Variants in KCNIP1 observed in about 807,000 individuals in gnomAD.
KCNIP1 encodes A-type potassium channel modulatory protein KCNIP1.
In KCNIP1, 18 loss-of-function variants were observed where a neutral mutation model predicts 33.0. The observed-to-expected ratio is 0.55, with a 90% CI of 0.38 to 0.81. The LOEUF (loss-of-function observed/expected upper bound fraction) is 0.81. Among genes scored for constraint, KCNIP1 ranks in the 30% least tolerant of loss-of-function variants. KCNIP1 has a pLI of 0.00. For missense variants in KCNIP1, 238 were observed against 271.6 expected (o/e 0.88, Z 0.87); for synonymous variants, 93 against 98.3 (o/e 0.95, Z 0.32).
At chr5:170,662,964 C>G (rs774193528) in intron 1 of KCNIP1, among the ~76,000 whole-genome samples, 8 of 152,348 alleles carry the variant, frequency 5.3e-5, no homozygotes, top group Admixed American at 3.9e-4. Context: ...AAACTGGGCT[C>G]ATAGGTGCTC....
chr5:170,531,094 C>T (rs1383954875), intron 1 of KCNIP1, among the ~76,000 whole-genome samples: 1 of 152,118 alleles, frequency 6.6e-6, no homozygotes, highest in Non-Finnish European at 1.5e-5. Context: ...ACTGAAACCC[C>T]CTGAAGCTTG....
chr5:170,660,686 C>G (rs976228554), intron 1 of KCNIP1, among the ~76,000 whole-genome samples: 5 of 152,202 alleles, frequency 3.3e-5, no homozygotes, highest in Non-Finnish European at 7.3e-5. Context: ...TCAAATGGCC[C>G]CCAGAGTCCC....
intron 1 of KCNIP1, among the ~76,000 whole-genome samples, chr5:170,385,693 TAAAG>T (rs879595173): frequency 0.25 from 38,003 of 151,944 alleles, 4,966 homozygotes; most frequent in African/African-American, 0.32. Flanking sequence ...CTCAGAGAGG[TAAAG>T]TGACTTGCCC....
chr5:170,513,114 T>C (rs2113273913), intron 1 of KCNIP1, among the ~76,000 whole-genome samples: 1 of 151,612 alleles, frequency 6.6e-6, no homozygotes, highest in East Asian at 1.9e-4. Context: ...TTTAACAAGA[T>C]CACCAGATGG....
At chr5:170,667,731 G>A (rs946615477) in intron 1 of KCNIP1, among the ~76,000 whole-genome samples, 16 of 152,216 alleles carry the variant, frequency 1.1e-4, no homozygotes, top group African/African-American at 3.9e-4. Context: ...TAACAATATT[G>A]ACTATCCCAT....
chr5:170,673,496 G>T (rs536495934), intron 1 of KCNIP1, among the ~76,000 whole-genome samples: 1 of 152,192 alleles, frequency 6.6e-6, no homozygotes, highest in Non-Finnish European at 1.5e-5. Flanking sequence ...GAAGCTTAGC[G>T]AGCTCAAGTA....
At chr5:170,408,613 G>A (rs1043446749) in intron 1 of KCNIP1, among the ~76,000 whole-genome samples, 3 of 152,100 alleles carry the variant, frequency 2.0e-5, no homozygotes, top group South Asian at 2.1e-4. Flanking sequence ...TATCCTTCTC[G>A]GGCGATGAGA....
At chr5:170,538,563 CT>C (rs1756081236) in intron 1 of KCNIP1, among the ~76,000 whole-genome samples, 1 of 151,912 alleles carries the variant, frequency 6.6e-6, no homozygotes, top group African/African-American at 2.4e-5. Context: ...GTTCCTCCTC[CT>C]TCTTCCCCAC....
At chr5:170,524,758 G>A (rs1397133305) in intron 1 of KCNIP1, among the ~76,000 whole-genome samples, 1 of 152,126 alleles carries the variant, frequency 6.6e-6, no homozygotes, top group African/African-American at 2.4e-5. Context: ...GGTCCTGAGA[G>A]AGGAGGGACC....
intron 1 of KCNIP1, among the ~76,000 whole-genome samples, chr5:170,594,332 C>T (rs1022127446): frequency 6.6e-6 from 1 of 152,138 alleles, no homozygotes; most frequent in Non-Finnish European, 1.5e-5. Context: ...AGTGTCCCAT[C>T]TTGGGTATGT....
intron 1 of KCNIP1, among the ~76,000 whole-genome samples, chr5:170,513,371 A>G (rs193053746): frequency 6.6e-6 from 1 of 152,360 alleles, no homozygotes. Flanking sequence ...ATAAATTGTT[A>G]AGAAGTCAGA....
At chr5:170,683,516 C>T (rs568446721) in intron 1 of KCNIP1, among the ~76,000 whole-genome samples, 1 of 152,116 alleles carries the variant, frequency 6.6e-6, no homozygotes, top group Non-Finnish European at 1.5e-5. Flanking sequence ...AGAGCCCTTA[C>T]CATATGGTCC....
At chr5:170,496,136 G>A (rs1189105355) in intron 1 of KCNIP1, among the ~76,000 whole-genome samples, 3 of 152,168 alleles carry the variant, frequency 2.0e-5, no homozygotes, top group East Asian at 1.9e-4. Flanking sequence ...TGCAGGAGCC[G>A]AAGAGGGAAA....
chr5:170,369,758 T>C (rs1763793865), intron 1 of KCNIP1, among the ~76,000 whole-genome samples: 1 of 152,260 alleles, frequency 6.6e-6, no homozygotes, highest in Non-Finnish European at 1.5e-5. Context: ...GCTGTAGATA[T>C]AGGCGTCTTG....
rs549734485 is a variant in KCNIP1 at position 170,574,900 on chromosome 5, C to G, written c.61+70267C>G. 1.2e-3 allele frequency among the ~76,000 whole-genome samples: 186 copies of G among 152,350 alleles called. 1 individual carries two copies. The highest frequency in any genetic ancestry group is 4.4e-3 in the African/African-American group (184 of 41,574). On this transcript the variant is annotated intron_variant, in intron 1 of 7. Coordinates refer to ENST00000328939, the MANE Select transcript of KCNIP1 (RefSeq NM_014592.4). ...ATGGGGGAAACGTGCCGATTCCACA[C>G]AGACAGTGGCTCTGCCAGGGTTTGT... is the stretch of plus-strand genomic sequence containing the variant.
intron 1 of KCNIP1, among the ~76,000 whole-genome samples, chr5:170,479,901 A>C (rs1306716986): frequency 1.3e-5 from 2 of 152,230 alleles, no homozygotes; most frequent in African/African-American, 2.4e-5. Flanking sequence ...TAAATCAAAA[A>C]CTTATTAAAA....
At chr5:170,542,861 A>G (rs1484516085) in intron 1 of KCNIP1, among the ~76,000 whole-genome samples, 1 of 152,240 alleles carries the variant, frequency 6.6e-6, no homozygotes, top group African/African-American at 2.4e-5. Flanking sequence ...GCAAGTGGCC[A>G]TGGGTAACTG....
chr5:170,528,709 A>G (rs1299861783), intron 1 of KCNIP1, among the ~76,000 whole-genome samples: 1 of 152,144 alleles, frequency 6.6e-6, no homozygotes, highest in Non-Finnish European at 1.5e-5. Flanking sequence ...CTATTCTGGG[A>G]CCTCAAAGTG....
chr5:170,546,761 C>T (rs1309023350), intron 1 of KCNIP1, among the ~76,000 whole-genome samples: 1 of 151,742 alleles, frequency 6.6e-6, no homozygotes, highest in African/African-American at 2.4e-5. Context: ...AATACCTTAT[C>T]TTGTTATTTT....
Sources: allele counts gnomAD v4.1 joint callset (sites outside exome capture counted in the v4.1 genomes callset), GRCh38; gene constraint gnomAD v4.1.1; transcripts MANE v1.5; gene names NCBI Gene and HGNC (gene_info 2026-07-23, HGNC 2026-07-21).